Variants in SYT7 observed in about 807,000 individuals in gnomAD.
SYT7 encodes synaptotagmin-7.
SYT7 carries 29 observed loss-of-function variants against 75.1 expected under a neutral mutation model. That is an observed-to-expected ratio of 0.39 (90% CI 0.29 to 0.53). SYT7 has a LOEUF of 0.53. Among genes scored for constraint, SYT7 ranks in the 20% least tolerant of loss-of-function variants. The probability of loss-of-function intolerance (pLI) is 0.77; values close to 1 mark genes in which losing one functional copy is unlikely to be tolerated. For synonymous variants in SYT7, 376 were observed against 401.7 expected (o/e 0.94, Z 0.76); for missense variants, 693 against 953.2 (o/e 0.73, Z 3.59).
chr11:61,563,531 T>C (rs1034559709), intron 1 of SYT7, among the ~76,000 whole-genome samples: 2 of 152,234 alleles, frequency 1.3e-5, no homozygotes, highest in African/African-American at 4.8e-5. Flanking sequence ...TGGGGAATAA[T>C]AGGTGCTTGA....
intron 1 of SYT7, among the ~76,000 whole-genome samples, chr11:61,561,209 A>T (rs1565201351): frequency 2.0e-5 from 3 of 152,212 alleles, no homozygotes; most frequent in Non-Finnish European, 4.4e-5. Flanking sequence ...CCTGAGGCAG[A>T]GGAGACATCC....
chr11:61,549,362 C>T (rs2063283092), intron 3 of SYT7, among the ~76,000 whole-genome samples: 1 of 152,214 alleles, frequency 6.6e-6, no homozygotes, highest in South Asian at 2.1e-4. Context: ...CCATGAATAT[C>T]AGTATCGCCA....
At chr11:61,587,412 C>T in the SYT7 span, among the ~76,000 whole-genome samples, 1 of 152,226 alleles carries the variant, frequency 6.6e-6, no homozygotes, top group Non-Finnish European at 1.5e-5. Context: ...ACGATGATAG[C>T]AATTGACCTG....
In SYT7 at chr11:61,580,777, G is replaced by T; in HGVS notation, c.31+13C>A. ...CGGTGCGGGGCGCCCCAGCCCGCCG[G>T]GGCCGCGCTTACCTGGGCTGGCCGC... On this transcript the variant is annotated intron_variant, in intron 1 of 12. Transcript: ENST00000539008. The surrounding 1 kb of genome is among the most constrained non-coding windows in gnomAD (Gnocchi z 6.1). The T allele has an allele frequency of 7.9e-7, 1 of 1,270,174 alleles. No individual in the cohort carries two copies. Among genetic ancestry groups the T allele is most frequent in the South Asian group, 2.7e-5 (1 of 36,598 alleles). 78.7% of individuals were successfully genotyped at this position (1,270,174 alleles called of 1,614,324 possible).
intron 5 of SYT7, among the ~76,000 whole-genome samples, chr11:61,543,214 G>A (rs2063097684): frequency 6.6e-6 from 1 of 152,188 alleles, no homozygotes; most frequent in Admixed American, 6.5e-5. Flanking sequence ...GTGGATCTTT[G>A]CCCTCTTTTC....
rs753224245 is a variant in SYT7 at position 61,523,066 on chromosome 11, C to G, written c.1956+9G>C. On this transcript the variant is annotated intron_variant, in intron 12 of 12. Transcript: ENST00000539008. This position sits in a 1 kb window ranked among gnomAD's most constrained non-coding sequence, Gnocchi z 5.0. ...AGCAGGTGCACCACACCACCTGCCT[C>G]GCCCCTACCTTGCCGATGACGTCAT... The G allele has an allele frequency of 3.6e-5, 58 of 1,613,866 alleles. No homozygotes were observed. Among genetic ancestry groups the G allele is most frequent in the Middle Eastern group, 3.4e-4 (2 of 5,954 alleles).
chr11:61,587,372 C>G, the SYT7 span, among the ~76,000 whole-genome samples: 2 of 152,244 alleles, frequency 1.3e-5, no homozygotes, highest in African/African-American at 4.8e-5. Flanking sequence ...TCCCGCCCAG[C>G]TGAGGCTGCA....
In SYT7 at chr11:61,523,833, T is replaced by C. The variant is rs757056548; in HGVS notation, c.1750A>G (p.Thr584Ala). 1.9e-6 allele frequency: 3 copies of C among 1,613,798 alleles called. No individual in the cohort carries two copies. The highest frequency in any genetic ancestry group is 1.3e-5 in the African/African-American group (1 of 74,872). The change falls in exon 11 of 13, where the codon ACA (threonine) becomes GCA (alanine). Residue 584 changes from threonine to alanine, a missense_variant. This residue lies in a region of SYT7 where 206 missense variants were observed against 360.0 expected (regional missense o/e 0.57). Transcript: ENST00000539008. The surrounding 1 kb of genome is among the most constrained non-coding windows in gnomAD (Gnocchi z 5.0). ...TGCTGGAGAAGCCCCGTACCTGATG[T>C]GCCCCCGATGTCCATGGCTTTGAGG... ...RNLKAMDIGG[T>A]SDPYVKVWLM...
At chr11:61,555,486 G>C (rs1180235951) in intron 2 of SYT7, among the ~76,000 whole-genome samples, 1 of 152,192 alleles carries the variant, frequency 6.6e-6, no homozygotes, top group East Asian at 1.9e-4. Flanking sequence ...CGCCCTCAGG[G>C]GATGAATGTC....
chr11:61,560,232 G>A (rs1016658476), intron 1 of SYT7, among the ~76,000 whole-genome samples: 7 of 152,186 alleles, frequency 4.6e-5, no homozygotes, highest in African/African-American at 1.7e-4. Flanking sequence ...CTAGAGGTAC[G>A]TGGTTAGTTT....
rs1188703193 is a variant in SYT7, at chr11:61,517,046, C to T, written c.*1581G>A. Reference sequence around the variant, plus strand: ...TTCTTCTCTTTGGGGTGTCACAGGCCCATCCAGAGTGGAACTGGGGGCTAA... The same window carrying T: ...TTCTTCTCTTTGGGGTGTCACAGGCTCATCCAGAGTGGAACTGGGGGCTAA... On this transcript the variant is annotated 3_prime_UTR_variant, in exon 13 of 13. Transcript: ENST00000539008. 2 of 387,760 alleles carry T rather than the reference C, an allele frequency of 5.2e-6. No homozygotes were observed. Among genetic ancestry groups the T allele is most frequent in the African/African-American group, 4.1e-5 (2 of 48,372 alleles). The allele number at this position is 387,760 out of a possible 1,614,324, so 24.0% of individuals were successfully genotyped here.
At chr11:61,552,639 T>A (rs943252940) in intron 2 of SYT7, among the ~76,000 whole-genome samples, 2 of 152,320 alleles carry the variant, frequency 1.3e-5, no homozygotes, top group African/African-American at 4.8e-5. Flanking sequence ...TGCTCCCTGA[T>A]GCTCCTGCCA....
At chr11:61,534,144 G>C (rs545765915) in intron 7 of SYT7, among the ~76,000 whole-genome samples, 2 of 152,184 alleles carry the variant, frequency 1.3e-5, no homozygotes, top group East Asian at 1.9e-4. Flanking sequence ...AGGAGGAGAC[G>C]GGGGACCAGT....
At chr11:61,521,921 A>C (rs59030558) in intron 12 of SYT7, among the ~76,000 whole-genome samples, 2,699 of 152,306 alleles carry the variant, frequency 0.018, 79 homozygotes, top group African/African-American at 0.061. Flanking sequence ...TAATCCTCTC[A>C]GCACATTGTA....
Position 61,580,657 on chromosome 11 carries a change from G to A in SYT7, c.31+133C>T, listed in dbSNP as rs1029477130. 8 of 525,612 alleles carry A rather than the reference G, an allele frequency of 1.5e-5. No homozygotes were observed. The highest frequency in any genetic ancestry group is 2.2e-5 in the Non-Finnish European group (8 of 359,202). 32.6% of individuals were successfully genotyped at this position (525,612 alleles called of 1,614,324 possible). On this transcript the variant is annotated intron_variant, in intron 1 of 12. Coordinates refer to ENST00000539008, the MANE Select transcript of SYT7 (RefSeq NM_001365809.2). This position sits in a 1 kb window ranked among gnomAD's most constrained non-coding sequence, Gnocchi z 6.1. ...CTCGATCCCGCGCCCCCGGGGCTGG[G>A]ATGACCCCTGGGGGAGCCCGTGCGG...
rs755559433 is a variant in SYT7, at chr11:61,518,602, C to G, written c.*25G>C. 2.0e-6 allele frequency: 3 copies of G among 1,500,174 alleles called. No homozygotes were observed. Among genetic ancestry groups the G allele is most frequent in the South Asian group, 2.5e-5 (2 of 79,168 alleles). 92.9% of individuals were successfully genotyped at this position (1,500,174 alleles called of 1,614,324 possible). The stretch of plus-strand genomic sequence containing the variant: ...GCATGATGGGGACCTGGGCCCTCGG[C>G]CCCCTGGGCCTCCCTTGGCCCCACT... On this transcript the variant is annotated 3_prime_UTR_variant, in exon 13 of 13. Transcript: ENST00000539008.
At chr11:61,572,116 TG>T (rs79273038) in intron 1 of SYT7, among the ~76,000 whole-genome samples, 7,700 of 146,124 alleles carry the variant, frequency 0.053, 330 homozygotes, top group African/African-American at 0.12. Context: ...GGAATGAGGT[TG>T]GGGGGGGGGC....
intron 1 of SYT7, among the ~76,000 whole-genome samples, chr11:61,578,036 T>C (rs77623359): frequency 0.092 from 13,924 of 152,052 alleles, 1,583 homozygotes; most frequent in African/African-American, 0.27. Flanking sequence ...CCGTGAAGTC[T>C]GGGAGGGGGC....
chr11:61,557,905 GGA>G (rs1313470036), intron 1 of SYT7, among the ~76,000 whole-genome samples: 1 of 152,196 alleles, frequency 6.6e-6, no homozygotes, highest in Non-Finnish European at 1.5e-5. Flanking sequence ...AGCTTCCAAG[GGA>G]GAATAGGAGC....
Sources: allele counts gnomAD v4.1 joint callset (sites outside exome capture counted in the v4.1 genomes callset), GRCh38; gene constraint gnomAD v4.1.1; regional missense constraint gnomAD v4.1.1; non-coding constraint Gnocchi (gnomAD v3.1); transcripts MANE v1.5; gene names NCBI Gene and HGNC (gene_info 2026-07-23, HGNC 2026-07-21).